Variants in REV1 observed in about 807,000 individuals in gnomAD.
REV1 encodes translesion synthesis protein REV1.
In REV1, 42 loss-of-function variants were observed where a neutral mutation model predicts 137.4. The observed-to-expected ratio is 0.31, with a 90% confidence interval of 0.24 to 0.40. The LOEUF is 0.40. REV1 is among the 10% of genes least tolerant of loss of function. The pLI is 1.00. For missense variants in REV1, 1,282 were observed against 1,490.1 expected (o/e 0.86, Z 2.30); for synonymous variants, 524 against 519.2 (o/e 1.01, Z -0.12).
intron 12 of REV1, 75 bp from the exon 13 acceptor site, chr2:99,413,026 T>C (rs1414993616): frequency 4.0e-6 from 4 of 1,009,248 alleles, no homozygotes; most frequent in East Asian, 4.8e-5. Flanking sequence ...ATACCCACCA[T>C]TTATGCACAA....
At chr2:99,444,494 C>T (rs927402992) in intron 4 of REV1, among the ~76,000 whole-genome samples, 1 of 152,232 alleles carries the variant, frequency 6.6e-6, no homozygotes, top group Admixed American at 6.5e-5. Context: ...TATCCAGCTC[C>T]TAACAAGAGC....
intron 9 of REV1, among the ~76,000 whole-genome samples, chr2:99,427,973 C>G (rs1412189629): frequency 6.6e-6 from 1 of 151,984 alleles, no homozygotes; most frequent in Non-Finnish European, 1.5e-5. Flanking sequence ...ATGCACCATC[C>G]AAACACCCAA....
At chr2:99,444,746 T>C (rs1170264579) in intron 4 of REV1, among the ~76,000 whole-genome samples, 1 of 152,232 alleles carries the variant, frequency 6.6e-6, no homozygotes, top group Admixed American at 6.5e-5. Context: ...TGCCCATTTA[T>C]CTATCTATAG....
At chr2:99,442,526 T>A in intron 4 of REV1, 57 bp from the exon 5 acceptor site, 2 of 1,486,630 alleles carry the variant, frequency 1.3e-6, no homozygotes, top group Non-Finnish European at 1.9e-6. Flanking sequence ...ATGAGCTTCA[T>A]GAAAAATATT....
intron 1 of REV1, among the ~76,000 whole-genome samples, chr2:99,486,914 T>TG (rs1047899057): frequency 3.3e-5 from 4 of 119,982 alleles, no homozygotes; most frequent in African/African-American, 1.2e-4. Flanking sequence ...AATAAATAAG[T>TG]GGGAAAAAAA....
intron 1 of REV1, among the ~76,000 whole-genome samples, chr2:99,466,252 CTTTTT>C (rs1002737854): frequency 6.8e-6 from 1 of 147,418 alleles, no homozygotes; most frequent in East Asian, 2.1e-4. Context: ...TGCCCGGCCT[CTTTTT>C]TTTGAGACAA....
At chr2:99,424,665 A>C in intron 9 of REV1, 2 of 960,780 alleles carry the variant, frequency 2.1e-6, no homozygotes, top group Non-Finnish European at 2.8e-6. Flanking sequence ...CCCTAATACA[A>C]GGCACAGTTT....
At chr2:99,440,994 T>C (rs540972845) in intron 5 of REV1, among the ~76,000 whole-genome samples, 1 of 152,326 alleles carries the variant, frequency 6.6e-6, no homozygotes, top group Admixed American at 6.5e-5. Context: ...TTTTAGGCAA[T>C]GGCATAAATG....
intron 16 of REV1, 25 bp downstream of exon 16, chr2:99,406,300 A>ATT (rs1676288254): frequency 6.3e-7 from 1 of 1,582,768 alleles, no homozygotes; most frequent in Non-Finnish European, 8.6e-7. Context: ...GCACCTAAAA[A>ATT]AGAACCACAT....
chr2:99,475,622 G>A (rs1337593601), intron 1 of REV1, among the ~76,000 whole-genome samples: 1 of 152,114 alleles, frequency 6.6e-6, no homozygotes, highest in Non-Finnish European at 1.5e-5. Flanking sequence ...AGGAGGCAGA[G>A]ATTGCAGTGA....
intron 10 of REV1, 90 bp downstream of exon 10, chr2:99,424,062 C>T (rs1245311991): frequency 5.2e-5 from 70 of 1,346,364 alleles, no homozygotes; most frequent in Non-Finnish European, 6.8e-5. Context: ...AAAAGTGATC[C>T]TGACAATCCT....
chr2:99,464,361 T>C (rs1046133487), intron 2 of REV1, among the ~76,000 whole-genome samples: 2 of 152,216 alleles, frequency 1.3e-5, no homozygotes, highest in African/African-American at 2.4e-5. Context: ...TGAAGTTTCT[T>C]TTCAGAAAAT....
At chr2:99,402,153 A>G in intron 22 of REV1, 91 bp downstream of exon 22, 2 of 622,832 alleles carry the variant, frequency 3.2e-6, no homozygotes, top group Non-Finnish European at 5.7e-6. Flanking sequence ...TAATGAGTAC[A>G]GTTTCCCAGA....
At chr2:99,427,034 T>C (rs1166242088) in intron 9 of REV1, among the ~76,000 whole-genome samples, 1 of 152,074 alleles carries the variant, frequency 6.6e-6, no homozygotes, top group African/African-American at 2.4e-5. Context: ...AATACAAAAA[T>C]TAGCCAGGCG....
Position 99,405,905 on chromosome 2 carries a change from T to G in REV1, c.2811+5A>C, listed in dbSNP as rs754382318. ...GTACTTATATTTAGGACTACAAAAA[T>G]GTACCTGGGAAGGTGACGGGACCTC... On this transcript the variant is annotated splice_donor_5th_base_variant and intron_variant, in intron 17 of 22. Coordinates refer to ENST00000258428, the MANE Select transcript of REV1 (RefSeq NM_016316.4). The G allele has an allele frequency of 1.1e-5, 16 of 1,521,890 alleles. No individual in the cohort carries two copies. In the African/African-American group the frequency reaches 2.2e-4, roughly 21 times the overall value. The allele number at this position is 1,521,890 out of a possible 1,614,324, so 94.3% of individuals were successfully genotyped here. A position where few individuals can be genotyped will look rare whatever the true frequency, so the allele number is the denominator to read the frequency against.
In REV1 at chr2:99,400,554, T is replaced by C. The variant is rs1675230569; in HGVS notation, c.*687A>G. 3 of 152,206 alleles carry C rather than the reference T, an allele frequency of 2.0e-5. No homozygotes were observed. Among genetic ancestry groups the C allele is most frequent in the South Asian group, 2.1e-4 (1 of 4,834 alleles). 9.4% of individuals were successfully genotyped at this position (152,206 alleles called of 1,614,324 possible). ...ATATTTTATATACGTTTGAAAAATC[T>C]ATACCGTTCTTTTTTATCATCAAAG... On this transcript the variant is annotated 3_prime_UTR_variant, in exon 23 of 23. Coordinates refer to ENST00000258428, the MANE Select transcript of REV1 (RefSeq NM_016316.4).
At chr2:99,464,671 C>T (rs953093134) in intron 2 of REV1, among the ~76,000 whole-genome samples, 3 of 152,080 alleles carry the variant, frequency 2.0e-5, no homozygotes, top group Non-Finnish European at 4.4e-5. Flanking sequence ...AGCAATGCTG[C>T]AATAAAATCA....
intron 14 of REV1, among the ~76,000 whole-genome samples, 184 bp downstream of exon 14, chr2:99,410,511 C>T (rs956815659): frequency 6.6e-6 from 1 of 152,164 alleles, no homozygotes; most frequent in African/African-American, 2.4e-5. Context: ...GTGTGGGCCT[C>T]GCTGAAACCA....
At chr2:99,405,144 G>C (rs1256255422) in intron 17 of REV1, 2 of 164,800 alleles carry the variant, frequency 1.2e-5, no homozygotes, top group African/African-American at 4.8e-5. Context: ...TCTGAGAGCA[G>C]CACACTGGAA....
Sources: allele counts gnomAD v4.1 joint callset (sites outside exome capture counted in the v4.1 genomes callset), GRCh38; gene constraint gnomAD v4.1.1; transcripts MANE v1.5; gene names NCBI Gene and HGNC (gene_info 2026-07-23, HGNC 2026-07-21).